Variants in USH2A observed in about 807,000 individuals in gnomAD.
USH2A encodes the protein Usher syndrome 2A (autosomal recessive, mild).
A neutral mutation model predicts 538.9 loss-of-function variants in USH2A; 443 were observed. That is an observed-to-expected ratio of 0.82 (90% CI 0.76 to 0.89). USH2A has a LOEUF of 0.89. Among genes scored for constraint, USH2A ranks in the 40% least tolerant of loss-of-function variants. The probability of loss-of-function intolerance (pLI) is 0.00; values close to 1 mark genes in which losing one functional copy is unlikely to be tolerated. For synonymous variants in USH2A, 2,413 were observed against 2,273.5 expected, an observed-to-expected ratio of 1.06 and a Z score of -1.75; for missense variants, 6,633 against 6,324.8, an observed-to-expected ratio of 1.05 and a Z score of -1.65.
chr1:215,783,926 T>G (rs570963965), intron 52 of USH2A, among the ~76,000 whole-genome samples: 2 of 152,260 alleles, frequency 1.3e-5, no homozygotes, highest in Non-Finnish European at 2.9e-5. Flanking sequence ...TATATACATC[T>G]CCTTACAATA....
intron 40 of USH2A, among the ~76,000 whole-genome samples, chr1:215,892,477 C>T (rs539337065): frequency 6.6e-6 from 1 of 152,218 alleles, no homozygotes; most frequent in African/African-American, 2.4e-5. Flanking sequence ...ATATTGCATG[C>T]TAATTGTCAA....
chr1:216,010,936 G>A (rs894955014), intron 32 of USH2A, among the ~76,000 whole-genome samples: 83 of 151,842 alleles, frequency 5.5e-4, no homozygotes, highest in Non-Finnish European at 5.9e-4. Context: ...CGGATCATGC[G>A]CCCCTTAACA....
Position 215,782,048 on chromosome 1 carries a change from A to G in USH2A, c.10734T>C (p.Ser3578=), listed in dbSNP as rs1661658126. 1.9e-6 allele frequency: 3 copies of G among 1,613,910 alleles called. No individual in the cohort carries two copies. The highest frequency in any genetic ancestry group is 2.7e-5 in the African/African-American group (2 of 75,032). The part of the protein sequence containing the change: ...KACTVAGCAT[S]SKVVAATTQG... ...TTAGGCAAACTCCTCTTACCTTGCT[A>G]CTGGTGGCACAGCCAGCAACCGTGC... is the stretch of plus-strand genomic sequence containing the variant. The change falls in exon 54 of 72, where the codon AGT becomes AGC. Residue 3578 remains serine (S), a synonymous_variant. Coordinates refer to ENST00000307340, the MANE Select transcript of USH2A (RefSeq NM_206933.4).
intron 21 of USH2A, among the ~76,000 whole-genome samples, chr1:216,157,610 A>G (rs1473007553): frequency 6.6e-6 from 1 of 152,232 alleles, no homozygotes; most frequent in African/African-American, 2.4e-5. Context: ...TGTGGTACAT[A>G]TACACCATGG....
At chr1:216,179,698 G>A (rs986214698) in intron 20 of USH2A, among the ~76,000 whole-genome samples, 5 of 151,966 alleles carry the variant, frequency 3.3e-5, no homozygotes, top group Non-Finnish European at 5.9e-5. Flanking sequence ...ATACACACAA[G>A]TAGAATAAGA....
chr1:216,165,963 C>T (rs983209211), intron 21 of USH2A, among the ~76,000 whole-genome samples: 3 of 152,046 alleles, frequency 2.0e-5, no homozygotes, highest in African/African-American at 4.8e-5. Flanking sequence ...CTCACCCCAT[C>T]CCACACTTTC....
intron 21 of USH2A, among the ~76,000 whole-genome samples, chr1:216,141,050 G>A (rs1271815133): frequency 6.6e-6 from 1 of 152,168 alleles, no homozygotes; most frequent in African/African-American, 2.4e-5. Context: ...TGGAAAAAAT[G>A]GGGGCAGGGC....
intron 4 of USH2A, among the ~76,000 whole-genome samples, chr1:216,357,320 A>G (rs1474351277): frequency 1.3e-5 from 2 of 152,104 alleles, no homozygotes; most frequent in African/African-American, 4.8e-5. Flanking sequence ...CTCTTAGTCA[A>G]TTTCAATACT....
intron 32 of USH2A, among the ~76,000 whole-genome samples, chr1:216,030,864 A>G (rs1166457611): frequency 6.6e-6 from 1 of 151,590 alleles, no homozygotes; most frequent in Non-Finnish European, 1.5e-5. Context: ...AAGAATTTGT[A>G]AAATTATCAA....
chr1:216,194,393 T>C (rs182796701), intron 19 of USH2A, among the ~76,000 whole-genome samples: 94 of 152,214 alleles, frequency 6.2e-4, no homozygotes, highest in South Asian at 1.9e-3. Flanking sequence ...GGACAATGCA[T>C]GGATCTTGCT....
At chr1:215,845,463 T>C (rs779313203) in intron 45 of USH2A, among the ~76,000 whole-genome samples, 224 of 152,240 alleles carry the variant, frequency 1.5e-3, no homozygotes, top group Non-Finnish European at 2.3e-3. Flanking sequence ...CAGGGAGGGC[T>C]CTCACTGTGT....
rs548696314 is a variant in USH2A, at chr1:215,712,054, T to C, written c.12066+15976A>G. On this transcript the variant is annotated intron_variant, in intron 61 of 71. Transcript: ENST00000307340. Reference sequence around the variant, plus strand: ...GTTAAAAACGAGACACCAAGGCTTGTGGCGTGATGACCAGGTCTTCCTAGT... The same window carrying C: ...GTTAAAAACGAGACACCAAGGCTTGCGGCGTGATGACCAGGTCTTCCTAGT... Among the ~76,000 whole-genome samples, 79 of 152,270 alleles carry C rather than the reference T, an allele frequency of 5.2e-4. 1 individual carries two copies. In the South Asian group the frequency reaches 0.016, roughly 31 times the overall value.
intron 44 of USH2A, among the ~76,000 whole-genome samples, chr1:215,848,968 G>A (rs759948497): frequency 4.6e-5 from 7 of 152,144 alleles, no homozygotes; most frequent in Non-Finnish European, 8.8e-5. Flanking sequence ...CAATAGACCA[G>A]CACAAAATTA....
chr1:216,231,845 G>T (rs1393120464), intron 14 of USH2A, 108 bp downstream of exon 14: 3 of 1,390,322 alleles, frequency 2.2e-6, no homozygotes, highest in East Asian at 2.3e-5. Flanking sequence ...GAGCCACCAA[G>T]CCGGGCAAAA....
intron 4 of USH2A, among the ~76,000 whole-genome samples, chr1:216,332,423 C>G (rs879924666): frequency 1.3e-5 from 2 of 152,094 alleles, no homozygotes; most frequent in Non-Finnish European, 2.9e-5. Context: ...TGTCCATAAA[C>G]GCTTTGCAAA....
intron 61 of USH2A, among the ~76,000 whole-genome samples, chr1:215,694,710 T>C (rs1398639966): frequency 6.6e-6 from 1 of 152,240 alleles, no homozygotes; most frequent in Non-Finnish European, 1.5e-5. Flanking sequence ...CTAGTGTATC[T>C]GTCTCTTCAC....
rs1379567241 is a variant in USH2A at position 215,655,163 on chromosome 1, A to G, written c.14134-4362T>C. Among the ~76,000 whole-genome samples, 4 of 152,320 alleles carry G rather than the reference A, an allele frequency of 2.6e-5. No homozygotes were observed. In the East Asian group the frequency reaches 5.8e-4, roughly 22 times the overall value. On this transcript the variant is annotated intron_variant, in intron 64 of 71. Transcript: ENST00000307340. Reference sequence around the variant, plus strand: ...TATTTCCAAGCGCTTTTTACACCCAATATTATTTGAAAAATACAAAGGCCT... The same window carrying G: ...TATTTCCAAGCGCTTTTTACACCCAGTATTATTTGAAAAATACAAAGGCCT...
At chr1:216,294,923 T>C (rs2037074274) in intron 9 of USH2A, among the ~76,000 whole-genome samples, 1 of 151,910 alleles carries the variant, frequency 6.6e-6, no homozygotes, top group African/African-American at 2.4e-5. Context: ...TTATCAGATA[T>C]TAGAATTTTC....
chr1:215,797,060 A>G (rs1039816924), intron 50 of USH2A, among the ~76,000 whole-genome samples: 7 of 152,192 alleles, frequency 4.6e-5, no homozygotes, highest in African/African-American at 1.4e-4. Flanking sequence ...TGAATAAGTG[A>G]AACAGCCTTA....
Sources: gnomAD v4.1 joint callset for allele counts (sites outside exome capture counted in the v4.1 genomes callset) on GRCh38, gnomAD v4.1.1 for gene constraint, MANE v1.5 for transcripts, NCBI Gene and HGNC (gene_info 2026-07-23, HGNC 2026-07-21) for gene names.